The following ATR variants were observed in gnomAD, a reference collection of about 807,000 sequenced individuals.
ATR encodes the protein serine/threonine-protein kinase ATR.
In ATR, 142 loss-of-function variants were observed where a neutral mutation model predicts 305.3. The observed-to-expected ratio is 0.47, with a 90% CI of 0.41 to 0.53. ATR has a LOEUF of 0.53. Ranked by LOEUF, ATR falls within the 20% of genes least tolerant of loss-of-function variation. ATR has a pLI of 0.00. For synonymous variants in ATR, 1,050 were observed against 1,068.1 expected, an observed-to-expected ratio of 0.98 and a Z score of 0.33; for missense variants, 2,135 against 3,133.1, an observed-to-expected ratio of 0.68 and a Z score of 7.60.
chr3:142,481,509 G>A (rs1185832363), intron 36 of ATR, among the ~76,000 whole-genome samples: 1 of 152,166 alleles, frequency 6.6e-6, no homozygotes, highest in Non-Finnish European at 1.5e-5. Flanking sequence ...ATGCAAAGAA[G>A]TACACTTTTG....
rs779742866 is a variant in ATR at position 142,578,655 on chromosome 3, T to C, written c.50A>G (p.Glu17Gly). Reference sequence around the variant, plus strand: ...CTGGGCCTAGCCCTACCTGCCCAGCTCCCGCAGGGCGGGGATCATGGAAGC... The same window carrying C: ...CTGGGCCTAGCCCTACCTGCCCAGCCCCCGCAGGGCGGGGATCATGGAAGC... ...ELASMIPALRELGSATPEEYN... is the reference protein window; with the variant it reads ...ELASMIPALRGLGSATPEEYN... The change falls in exon 1 of 47, where the codon GAG becomes GGG. Residue 17 changes from glutamate (E) to glycine (G), a missense_variant. Glu to Gly is a moderately conservative substitution (Grantham distance 98). Coordinates refer to ENST00000350721, the MANE Select transcript of ATR (RefSeq NM_001184.4). 6.2e-7 allele frequency: 1 copy of C among 1,612,702 alleles called. No homozygotes were observed. The highest frequency in any genetic ancestry group is 1.3e-5 in the African/African-American group (1 of 74,820).
At chr3:142,465,333 AAG>A in intron 40 of ATR, 93 bp from the exon 41 acceptor site, 1 of 963,316 alleles carries the variant, frequency 1.0e-6, no homozygotes, top group Non-Finnish European at 1.5e-6. Flanking sequence ...AAAAAAAAAA[AAG>A]AATATTACCA....
chr3:142,452,701 A>C lies in ATR; in HGVS notation c.7761+427T>G, dbSNP rs9828537. On this transcript the variant is annotated intron_variant, in intron 46 of 46. Coordinates refer to ENST00000350721, the MANE Select transcript of ATR (RefSeq NM_001184.4). ...AAACAACAACCACCACCACCACCAC[A>C]ACAACAACAACAAAACTATCTGCAA... 0.019 allele frequency: 19,875 copies of C among 1,021,364 alleles called. 1,567 individuals are homozygous for C. The African/African-American group carries it at 0.23, about 12-fold the overall frequency. The allele number at this position is 1,021,364 out of a possible 1,614,324, so 63.3% of individuals were successfully genotyped here.
rs190661430 is a variant in ATR at position 142,535,058 on chromosome 3, T to C, written c.3945+22A>G. The C allele has an allele frequency of 5.0e-6, 8 of 1,595,852 alleles. No individual in the cohort carries two copies. The Admixed American group carries it at 1.0e-4, about 20-fold the overall frequency. On this transcript the variant is annotated intron_variant, in intron 21 of 46. Transcript: ENST00000350721. Reference sequence around the variant, plus strand: ...CCAATCTTTCTTTGTTATACATTTTTAATTATATCATATTAGCATACCTGA... The same window carrying C: ...CCAATCTTTCTTTGTTATACATTTTCAATTATATCATATTAGCATACCTGA...
chr3:142,501,509 A>C (rs527816814), intron 30 of ATR, among the ~76,000 whole-genome samples: 7 of 152,156 alleles, frequency 4.6e-5, no homozygotes, highest in Admixed American at 3.3e-4. Context: ...GAACCTATAC[A>C]AACAGTACTT....
intron 24 of ATR, among the ~76,000 whole-genome samples, chr3:142,518,881 T>G (rs565987742): frequency 5.9e-5 from 9 of 152,314 alleles, no homozygotes; most frequent in African/African-American, 1.7e-4. Flanking sequence ...ATTTCGTCAG[T>G]CCTAACAAAG....
intron 46 of ATR, chr3:142,452,854 T>G (rs2070822532): frequency 7.8e-7 from 1 of 1,279,904 alleles, no homozygotes; most frequent in African/African-American, 1.5e-5. Flanking sequence ...GTACTATAGT[T>G]TTTCCTACTG....
intron 22 of ATR, 94 bp from the exon 23 acceptor site, chr3:142,522,935 C>T (rs979280153): frequency 1.9e-5 from 18 of 932,886 alleles, no homozygotes; most frequent in East Asian, 7.3e-5. Flanking sequence ...AACTTAACTG[C>T]GTAAGTGAAT....
At chr3:142,575,463 C>T (rs1165436042) in intron 1 of ATR, among the ~76,000 whole-genome samples, 3 of 107,974 alleles carry the variant, frequency 2.8e-5, no homozygotes, top group African/African-American at 1.3e-4. Flanking sequence ...GGCGAGACTC[C>T]GTCTCAAAAA....
At position 142,538,483 on chromosome 3, in the gene ATR, T is replaced by C. The variant is rs2033933689; in HGVS notation, c.3724A>G (p.Arg1242Gly). 5.0e-6 allele frequency: 8 copies of C among 1,611,702 alleles called. No individual in the cohort carries two copies. Among genetic ancestry groups the C allele is most frequent in the South Asian group, 2.2e-5 (2 of 90,900 alleles). ...AIFHYLIIEN[R>G]DAVQDFLHEI... ...TACTATTAATTTCAGTTACAATACCTGTTTTCAATTATGAGGTAGTGGAAG... is the reference window on the plus strand; with the variant it reads ...TACTATTAATTTCAGTTACAATACCCGTTTTCAATTATGAGGTAGTGGAAG... The change falls in exon 19 of 47, where the codon AGG becomes GGG. Residue 1242 changes from arginine (R) to glycine (G), a missense_variant and splice_region_variant. Arg to Gly is a moderately radical substitution (Grantham distance 125). This residue lies in a region of ATR where 530 missense variants were observed against 766.8 expected (regional missense o/e 0.69). Coordinates refer to ENST00000350721, the MANE Select transcript of ATR (RefSeq NM_001184.4).
rs535252874 is a variant in ATR, at chr3:142,574,929, G to C, written c.59+3717C>G. ...GCCTTTAGAGATGCAGCTGAAGAGG[G>C]AAGATAAGGTTAAATTTCAAAGGAC... On this transcript the variant is annotated intron_variant, in intron 1 of 46. Transcript: ENST00000350721. Among the ~76,000 whole-genome samples, 4 of 152,340 alleles carry C rather than the reference G, an allele frequency of 2.6e-5. No individual in the cohort carries two copies. The East Asian group carries it at 7.7e-4, about 29-fold the overall frequency.
intron 13 of ATR, 106 bp from the exon 14 acceptor site, chr3:142,550,408 T>C: frequency 4.2e-6 from 5 of 1,190,978 alleles, no homozygotes; most frequent in Non-Finnish European, 6.1e-6. Context: ...TTCTACATTA[T>C]CTGAATTGGT....
At chr3:142,565,994 C>T in intron 3 of ATR, 127 bp downstream of exon 3, 1 of 1,246,842 alleles carries the variant, frequency 8.0e-7, no homozygotes, top group Non-Finnish European at 1.2e-6. Context: ...TACCATTTTG[C>T]TCCTTCAATT....
intron 19 of ATR, among the ~76,000 whole-genome samples, chr3:142,537,714 TG>T (rs2033908931): frequency 4.6e-5 from 7 of 152,048 alleles, no homozygotes; most frequent in Admixed American, 4.6e-4. Flanking sequence ...AGCAAAGGAA[TG>T]ATTATATACA....
chr3:142,543,391 C>T (rs576591752), intron 16 of ATR, among the ~76,000 whole-genome samples: 3 of 148,182 alleles, frequency 2.0e-5, no homozygotes, highest in South Asian at 4.4e-4. Flanking sequence ...TCCCTCCCTC[C>T]GTCCATCCCT....
chr3:142,512,471 C>T lies in ATR; in HGVS notation c.4642-1G>A, dbSNP rs2032628463. Reference sequence around the variant, plus strand: ...GAACTGCCATAATTTCTGCATAAACCTATGAGAATCATTTATAATTAATAA... The same window carrying T: ...GAACTGCCATAATTTCTGCATAAACTTATGAGAATCATTTATAATTAATAA... On this transcript the variant is annotated splice_acceptor_variant, in intron 26 of 46. Transcript: ENST00000350721. LOFTEE classifies it high-confidence loss of function. The T allele has an allele frequency of 6.3e-7, 1 of 1,589,900 alleles. No homozygotes were observed. The highest frequency in any genetic ancestry group is 8.6e-7 in the Non-Finnish European group (1 of 1,159,620).
intron 1 of ATR, among the ~76,000 whole-genome samples, chr3:142,574,032 G>C (rs1302936091): frequency 6.6e-6 from 1 of 152,206 alleles, no homozygotes; most frequent in Non-Finnish European, 1.5e-5. Context: ...AGAGGAGCCA[G>C]GATTGTGGGT....
At chr3:142,455,299 G>A (rs1046532374) in intron 45 of ATR, among the ~76,000 whole-genome samples, 2 of 152,078 alleles carry the variant, frequency 1.3e-5, no homozygotes, top group African/African-American at 4.8e-5. Flanking sequence ...TATGTTCATC[G>A]ATCAGAAGAC....
At chr3:142,503,570 TTTATTA>T (rs1244019204) in intron 29 of ATR, 117 bp from the exon 30 acceptor site, 1 of 472,920 alleles carries the variant, frequency 2.1e-6, no homozygotes, top group Admixed American at 4.1e-5. Flanking sequence ...CCCTTATTTT[TTTATTA>T]TTATTATTAT....
Sources: gnomAD v4.1 joint callset for allele counts (sites outside exome capture counted in the v4.1 genomes callset) on GRCh38, gnomAD v4.1.1 for gene constraint, gnomAD v4.1.1 regional missense constraint, MANE v1.5 for transcripts, NCBI Gene and HGNC (gene_info 2026-07-23, HGNC 2026-07-21) for gene names.